The following FGF14 variants were observed in gnomAD, a reference collection of about 807,000 sequenced individuals.
FGF14 encodes the protein fibroblast growth factor homologous factor 4.
A neutral mutation model predicts 25.5 loss-of-function variants in FGF14; 5 were observed. The observed-to-expected ratio is 0.20, with a 90% confidence interval of 0.10 to 0.41. The LOEUF (loss-of-function observed/expected upper bound fraction) is 0.41. FGF14 is among the 10% of genes least tolerant of loss of function. FGF14 has a pLI of 1.00. For synonymous variants in FGF14, 138 were observed against 118.3 expected (o/e 1.17, Z -1.08); for missense variants, 222 against 320.1 (o/e 0.69, Z 2.34).
chr13:102,072,628 A>G (rs115991091), intron 1 of FGF14, among the ~76,000 whole-genome samples: 1 of 149,738 alleles, frequency 6.7e-6, no homozygotes, highest in African/African-American at 2.4e-5. Flanking sequence ...AACTTTTACA[A>G]CTCATTAATC....
chr13:101,852,560 T>C (rs9585795), intron 3 of FGF14, among the ~76,000 whole-genome samples: 7,289 of 151,476 alleles, frequency 0.048, 573 homozygotes, highest in African/African-American at 0.17. Flanking sequence ...GAGTGTGGAT[T>C]TTGGGGTAAG....
chr13:101,892,849 T>A (rs1044339794), intron 1 of FGF14, among the ~76,000 whole-genome samples: 1 of 152,162 alleles, frequency 6.6e-6, no homozygotes, highest in Non-Finnish European at 1.5e-5. Context: ...GAAAGTAGCA[T>A]CACCACGGAA....
chr13:101,832,146 A>G (rs2042701470), intron 3 of FGF14, among the ~76,000 whole-genome samples: 1 of 152,104 alleles, frequency 6.6e-6, no homozygotes, highest in South Asian at 2.1e-4. Flanking sequence ...TACGCAGAAG[A>G]GAAGGCACTG....
intron 3 of FGF14, chr13:101,802,089 C>T (rs1166047493): frequency 3.3e-5 from 9 of 273,148 alleles, no homozygotes; most frequent in East Asian, 2.7e-4. Context: ...AAAGTAGGTT[C>T]GGATGGGGAA....
At chr13:102,309,854 T>C (rs1270010190) in intron 1 of FGF14, among the ~76,000 whole-genome samples, 2 of 152,196 alleles carry the variant, frequency 1.3e-5, no homozygotes, top group Non-Finnish European at 2.9e-5. Flanking sequence ...CATCCTGCAT[T>C]TGCTTTAGCC....
Position 102,073,969 on chromosome 13 carries a change from T to C in FGF14, c.209-198673A>G, listed in dbSNP as rs569879723. Among the ~76,000 whole-genome samples the C allele has an allele frequency of 3.3e-5, 5 of 152,320 alleles. No individual in the cohort carries two copies. In the East Asian group the frequency reaches 7.7e-4, roughly 24 times the overall value. On this transcript the variant is annotated intron_variant, in intron 1 of 4. Coordinates refer to the FGF14 transcript ENST00000376131. ...TCATTCGCTCCCTCTCTCTCTGCCC[T>C]TCCCAACAAGGTCTGAGACAGTTTC...
At chr13:102,311,039 T>TACAC (rs377345204) in intron 1 of FGF14, among the ~76,000 whole-genome samples, 1 of 150,380 alleles carries the variant, frequency 6.6e-6, no homozygotes, top group Non-Finnish European at 1.5e-5. Context: ...TACACACACA[T>TACAC]ACACACACAC....
chr13:101,723,412 G>A (rs183542103), intron 4 of FGF14, among the ~76,000 whole-genome samples: 107 of 152,014 alleles, frequency 7.0e-4, no homozygotes, highest in Middle Eastern at 3.4e-3. Flanking sequence ...TGTGAGCTGC[G>A]GTATTTACAT....
intron 1 of FGF14, among the ~76,000 whole-genome samples, chr13:102,358,390 T>C (rs1008457111): frequency 4.6e-5 from 7 of 152,194 alleles, no homozygotes; most frequent in Admixed American, 6.5e-5. Flanking sequence ...CCCAGTGAAC[T>C]TAAGAGGTTT....
rs772514514 is a variant in FGF14, at chr13:101,715,483, A to G, written c.*7348T>C. 2.1e-6 allele frequency: 2 copies of G among 931,700 alleles called. No homozygotes were observed. The highest frequency in any genetic ancestry group is 3.5e-6 in the Non-Finnish European group (2 of 563,766). 57.7% of individuals were successfully genotyped at this position (931,700 alleles called of 1,614,324 possible). A position where few individuals can be genotyped will look rare whatever the true frequency, so the allele number is the denominator to read the frequency against. ...GATGAATGAAATGATTTCATTGTGG[A>G]CACTTGTGATTTATAATAGCATGTT... is the stretch of plus-strand genomic sequence containing the variant. On this transcript the variant is annotated 3_prime_UTR_variant, in exon 5 of 5. Transcript: ENST00000376143.
chr13:101,955,984 T>C (rs1437570767), intron 1 of FGF14, among the ~76,000 whole-genome samples: 1 of 152,140 alleles, frequency 6.6e-6, no homozygotes, highest in South Asian at 2.1e-4. Flanking sequence ...CACTTTCACT[T>C]TTCATTTAAG....
At chr13:101,977,737 A>G (rs1029019475) in intron 1 of FGF14, among the ~76,000 whole-genome samples, 1 of 152,186 alleles carries the variant, frequency 6.6e-6, no homozygotes, top group South Asian at 2.1e-4. Context: ...AAACAAACAA[A>G]AACAAAAAAT....
intron 1 of FGF14, among the ~76,000 whole-genome samples, chr13:102,353,158 G>A (rs917665566): frequency 6.6e-6 from 1 of 152,156 alleles, no homozygotes; most frequent in African/African-American, 2.4e-5. Context: ...TTGGACTCAT[G>A]GAAAAATATT....
intron 1 of FGF14, among the ~76,000 whole-genome samples, chr13:101,950,933 A>G (rs965477328): frequency 6.6e-6 from 1 of 152,172 alleles, no homozygotes; most frequent in Admixed American, 6.5e-5. Flanking sequence ...AAAGTGTTGG[A>G]AAGTGCTCCA....
intron 1 of FGF14, among the ~76,000 whole-genome samples, chr13:102,247,503 GATC>G (rs1312507303): frequency 1.3e-5 from 2 of 152,122 alleles, no homozygotes; most frequent in East Asian, 3.9e-4. Flanking sequence ...CAATATCACT[GATC>G]ATTAGAAAAA....
At chr13:102,109,100 G>GA (rs2045083878) in intron 1 of FGF14, among the ~76,000 whole-genome samples, 1 of 127,130 alleles carries the variant, frequency 7.9e-6, no homozygotes, top group African/African-American at 3.0e-5. Context: ...TTCTAGAGAG[G>GA]TCTTTCATCA....
chr13:102,067,803 A>G (rs1397156334), intron 1 of FGF14, among the ~76,000 whole-genome samples: 1 of 152,096 alleles, frequency 6.6e-6, no homozygotes, highest in Non-Finnish European at 1.5e-5. Context: ...CTCAAGTACA[A>G]GAAGGTTATA....
At chr13:101,735,473 A>G (rs1344335899) in intron 3 of FGF14, among the ~76,000 whole-genome samples, 1 of 152,168 alleles carries the variant, frequency 6.6e-6, no homozygotes, top group East Asian at 1.9e-4. Flanking sequence ...ATAAGGAGCA[A>G]AAAGGTAAAG....
chr13:102,004,223 C>G (rs1289111541), intron 1 of FGF14, among the ~76,000 whole-genome samples: 1 of 152,154 alleles, frequency 6.6e-6, no homozygotes, highest in Non-Finnish European at 1.5e-5. Context: ...TCCTAATAAA[C>G]TTATACTTGA....
Sources: allele counts gnomAD v4.1 joint callset (sites outside exome capture counted in the v4.1 genomes callset), GRCh38; gene constraint gnomAD v4.1.1; transcripts MANE v1.5; gene names NCBI Gene and HGNC (gene_info 2026-07-23, HGNC 2026-07-21).